The following MAP4K5 variants were observed in gnomAD, a reference collection of about 807,000 sequenced individuals.
MAP4K5 encodes mitogen-activated protein kinase kinase kinase kinase 5.
In MAP4K5, 82 loss-of-function variants were observed where a neutral mutation model predicts 135.6. The observed-to-expected ratio is 0.60, with a 90% CI of 0.51 to 0.73. The LOEUF (loss-of-function observed/expected upper bound fraction) is 0.73. Ranked by LOEUF, MAP4K5 falls within the 30% of genes least tolerant of loss-of-function variation. The pLI, the probability that MAP4K5 is intolerant of heterozygous loss-of-function variation, is 0.00. For synonymous variants in MAP4K5, 347 were observed against 335.0 expected (o/e 1.04, Z -0.39); for missense variants, 907 against 1,010.9 (o/e 0.90, Z 1.39).
At chr14:50,497,820 T>A (rs903098194) in intron 3 of MAP4K5, among the ~76,000 whole-genome samples, 7 of 151,982 alleles carry the variant, frequency 4.6e-5, no homozygotes, top group Admixed American at 4.6e-4. Context: ...TATTTCCGAT[T>A]TACCGTTTTA....
At chr14:50,461,277 T>C (rs1198469989) in intron 13 of MAP4K5, among the ~76,000 whole-genome samples, 3 of 151,966 alleles carry the variant, frequency 2.0e-5, no homozygotes, top group Admixed American at 2.0e-4. Flanking sequence ...GACCTGCCCA[T>C]CTTGGCCTCC....
At chr14:50,549,035 AC>A (rs1323406402) in intron 1 of MAP4K5, among the ~76,000 whole-genome samples, 1 of 152,166 alleles carries the variant, frequency 6.6e-6, no homozygotes, top group African/African-American at 2.4e-5. Flanking sequence ...CCTGTCTACA[AC>A]AAAGGGGTGC....
intron 3 of MAP4K5, among the ~76,000 whole-genome samples, chr14:50,497,543 A>G (rs770865605): frequency 3.3e-5 from 5 of 152,196 alleles, no homozygotes; most frequent in African/African-American, 4.8e-5. Flanking sequence ...CTACCCTGGG[A>G]TTTCTTTCAA....
At chr14:50,513,936 A>G (rs913468917) in intron 2 of MAP4K5, among the ~76,000 whole-genome samples, 1 of 152,264 alleles carries the variant, frequency 6.6e-6, no homozygotes, top group Non-Finnish European at 1.5e-5. Flanking sequence ...ATACAAAAGA[A>G]GCAACGCAGC....
Position 50,434,268 on chromosome 14 carries a change from T to C in MAP4K5, c.2164+126A>G, listed in dbSNP as rs548650779. On this transcript the variant is annotated intron_variant, in intron 28 of 32. Transcript: ENST00000682126. ...TACGTACACGGTTCTATGGGCTTAC[T>C]TGGGAAACTATGTTTTGAATATTTA... is the stretch of plus-strand genomic sequence containing the variant. 99 of 676,694 alleles carry C rather than the reference T, an allele frequency of 1.5e-4. No individual in the cohort carries two copies. The East Asian group carries it at 1.8e-3, about 12-fold the overall frequency. 41.9% of individuals were successfully genotyped at this position (676,694 alleles called of 1,614,324 possible). A position where few individuals can be genotyped will look rare whatever the true frequency, so the allele number is the denominator to read the frequency against.
chr14:50,502,430 C>T (rs761565677), intron 3 of MAP4K5, among the ~76,000 whole-genome samples: 4 of 151,920 alleles, frequency 2.6e-5, no homozygotes, highest in Non-Finnish European at 5.9e-5. Flanking sequence ...CTATAATAAC[C>T]AATTAGACAG....
Position 50,443,938 on chromosome 14 carries a change from C to A in MAP4K5, c.1437+1G>T. 1 of 1,601,118 alleles carries A rather than the reference C, an allele frequency of 6.2e-7. No individual in the cohort carries two copies. Among genetic ancestry groups the A allele is most frequent in the Non-Finnish European group, 8.5e-7 (1 of 1,172,002 alleles). On this transcript the variant is annotated splice_donor_variant, in intron 19 of 32. Coordinates refer to ENST00000682126, the MANE Select transcript of MAP4K5 (RefSeq NM_006575.6). LOFTEE classifies it high-confidence loss of function. ...AATTGCTAAATGCCTGTTATACCTA[C>A]AGGGAAGTCTCGTTTGTCCTTTTTT...
intron 9 of MAP4K5, among the ~76,000 whole-genome samples, chr14:50,470,836 T>C (rs1384275521): frequency 6.6e-6 from 1 of 152,204 alleles, no homozygotes; most frequent in Admixed American, 6.5e-5. Context: ...CCTCAATTTT[T>C]ATCATTAAAA....
intron 1 of MAP4K5, among the ~76,000 whole-genome samples, chr14:50,544,667 C>T (rs1431528669): frequency 1.3e-5 from 2 of 152,074 alleles, no homozygotes; most frequent in Non-Finnish European, 1.5e-5. Flanking sequence ...GCGATGGTGG[C>T]TCACACTTGT....
At position 50,458,033 on chromosome 14, in the gene MAP4K5, C is replaced by T. The variant is rs138492062; in HGVS notation, c.937-1439G>A. On this transcript the variant is annotated intron_variant, in intron 13 of 32. Transcript: ENST00000682126. ...TACACAGCAGAACACACTGAAAATT[C>T]ATCTAATCTGAGCTCCGACTTTGCC... is the stretch of plus-strand genomic sequence containing the variant. Among the ~76,000 whole-genome samples the T allele has an allele frequency of 6.6e-5, 10 of 152,276 alleles. No homozygotes were observed. In the East Asian group the frequency reaches 1.9e-3, roughly 29 times the overall value.
At chr14:50,454,215 C>T (rs1156524816) in intron 14 of MAP4K5, among the ~76,000 whole-genome samples, 1 of 152,114 alleles carries the variant, frequency 6.6e-6, no homozygotes, top group Non-Finnish European at 1.5e-5. Context: ...CAGGTAAAAG[C>T]CAGTTTATGT....
chr14:50,520,586 T>C (rs2140088203), intron 2 of MAP4K5, among the ~76,000 whole-genome samples: 1 of 152,310 alleles, frequency 6.6e-6, no homozygotes, highest in East Asian at 1.9e-4. Context: ...AACTAGCTAA[T>C]GCTACTTAAG....
rs1252413717 is a variant in MAP4K5, at chr14:50,434,306, CTGGTGTTTTGCTTCTTTTATAGG to C, written c.2164+65_2164+87del. 159 of 926,256 alleles carry C rather than the reference CTGGTGTTTTGCTTCTTTTATAGG, an allele frequency of 1.7e-4. 1 individual carries two copies. The Middle Eastern group carries it at 5.1e-3, about 30-fold the overall frequency. 57.4% of individuals were successfully genotyped at this position (926,256 alleles called of 1,614,324 possible). A position where few individuals can be genotyped will look rare whatever the true frequency, so the allele number is the denominator to read the frequency against. On this transcript the variant is annotated intron_variant, in intron 28 of 32. Coordinates refer to ENST00000682126, the MANE Select transcript of MAP4K5 (RefSeq NM_006575.6). ...TTTTGAATATTTAAAAGAGCCCACA[CTGGTGTTTTGCTTCTTTTATAGG>C]TGGTGTTTTGCTTCTTTTATAGGCA...
At chr14:50,506,300 GA>G (rs1311588013) in intron 2 of MAP4K5, among the ~76,000 whole-genome samples, 1 of 152,084 alleles carries the variant, frequency 6.6e-6, no homozygotes, top group African/African-American at 2.4e-5. Flanking sequence ...TAGAATGGGG[GA>G]GAGATATACA....
At chr14:50,543,778 T>G (rs1439896611) in intron 1 of MAP4K5, among the ~76,000 whole-genome samples, 1 of 152,202 alleles carries the variant, frequency 6.6e-6, no homozygotes, top group Admixed American at 6.5e-5. Context: ...TCTTCTATTA[T>G]TCCTAATAAC....
At chr14:50,532,270 G>C (rs1375285776) in intron 1 of MAP4K5, 112 bp from the exon 2 acceptor site, 1 of 488,666 alleles carries the variant, frequency 2.0e-6, no homozygotes, top group East Asian at 3.7e-5. Flanking sequence ...CCGTGGAAGA[G>C]AAAGGGGCCT....
intron 2 of MAP4K5, among the ~76,000 whole-genome samples, chr14:50,537,846 G>A (rs542129566): frequency 6.6e-6 from 1 of 152,338 alleles, no homozygotes; most frequent in Non-Finnish European, 1.5e-5. Context: ...TATCTAGGAA[G>A]TAACTAACCT....
chr14:50,526,081 A>C (rs1209215369), intron 2 of MAP4K5, among the ~76,000 whole-genome samples: 2 of 152,166 alleles, frequency 1.3e-5, no homozygotes, highest in African/African-American at 4.8e-5. Context: ...CACATACTAT[A>C]CCCAAAGCCT....
At chr14:50,502,116 C>T (rs2037718707) in intron 3 of MAP4K5, among the ~76,000 whole-genome samples, 1 of 152,170 alleles carries the variant, frequency 6.6e-6, no homozygotes, top group South Asian at 2.1e-4. Flanking sequence ...TTTATGCCTA[C>T]TGTTCCATTA....
Sources: gnomAD v4.1 joint callset for allele counts (sites outside exome capture counted in the v4.1 genomes callset) on GRCh38, gnomAD v4.1.1 for gene constraint, MANE v1.5 for transcripts, NCBI Gene and HGNC (gene_info 2026-07-23, HGNC 2026-07-21) for gene names.